The following NDUFAF6 variants were observed in gnomAD, a reference collection of about 807,000 sequenced individuals.
NDUFAF6 encodes NADH:ubiquinone oxidoreductase complex assembly factor 6, also known as NADH dehydrogenase (ubiquinone) complex I, assembly factor 6.
A neutral mutation model predicts 40.8 loss-of-function variants in NDUFAF6; 45 were observed. That is an observed-to-expected ratio of 1.10 (90% confidence interval 0.87 to 1.42). NDUFAF6 has a LOEUF of 1.42. Among genes scored for constraint, NDUFAF6 ranks in the 40% most tolerant of loss-of-function variants. The pLI is 0.00. For synonymous variants in NDUFAF6, 185 were observed against 155.9 expected, an observed-to-expected ratio of 1.19 and a Z score of -1.39; for missense variants, 435 against 418.5, an observed-to-expected ratio of 1.04 and a Z score of -0.34.
At position 95,035,880 on chromosome 8, in the gene NDUFAF6, A is replaced by G. The variant is rs17722836; in HGVS notation, c.420+304A>G. On this transcript the variant is annotated intron_variant, in intron 3 of 8. Coordinates refer to ENST00000396124, the MANE Select transcript of NDUFAF6 (RefSeq NM_152416.4). ...ATTTAAATCCTACACATTTTGATAT[A>G]ATAGCAAGTAAAATGTTCTGTTCTC... Among the ~76,000 whole-genome samples the G allele has an allele frequency of 0.015, 2,358 of 152,334 alleles. 28 individuals carry two copies. The highest frequency in any genetic ancestry group is 0.021 in the Non-Finnish European group (1,437 of 68,026).
upstream of NDUFAF6, among the ~76,000 whole-genome samples, chr8:94,953,892 A>C (rs560824925): frequency 6.6e-6 from 1 of 152,106 alleles, no homozygotes; most frequent in African/African-American, 2.4e-5. Context: ...TTAAATGTCC[A>C]TGTTTCTCAT....
intron 2 of NDUFAF6, among the ~76,000 whole-genome samples, chr8:94,998,020 A>C (rs2131635078): frequency 6.6e-6 from 1 of 152,292 alleles, no homozygotes; most frequent in South Asian, 2.1e-4. Context: ...GCTGCTCTTG[A>C]GTTAGAGGGA....
intron 1 of NDUFAF6, among the ~76,000 whole-genome samples, chr8:94,906,271 T>C (rs919856966): frequency 3.9e-5 from 6 of 152,176 alleles, no homozygotes; most frequent in Non-Finnish European, 8.8e-5. Context: ...GCTGAACTAA[T>C]CTATTCACCA....
At chr8:94,934,149 G>GAA (rs141439112) in intron 1 of NDUFAF6, among the ~76,000 whole-genome samples, 1 of 148,354 alleles carries the variant, frequency 6.7e-6, no homozygotes, top group African/African-American at 2.5e-5. Flanking sequence ...TACAGGCACA[G>GAA]AAAAAAAAAA....
chr8:95,088,628 C>T (rs1307422046), intron 2 of NDUFAF6, among the ~76,000 whole-genome samples: 2 of 151,920 alleles, frequency 1.3e-5, no homozygotes, highest in African/African-American at 4.8e-5. Context: ...ATAGTGATCT[C>T]AGGCTTTGGC....
downstream of NDUFAF6, among the ~76,000 whole-genome samples, chr8:95,061,594 A>G (rs956302152): frequency 1.2e-4 from 19 of 152,186 alleles, no homozygotes; most frequent in African/African-American, 4.6e-4. Flanking sequence ...TTGGAAAACT[A>G]CAAAGTTATT....
intron 2 of NDUFAF6, among the ~76,000 whole-genome samples, chr8:94,998,900 T>G (rs966593623): frequency 1.3e-5 from 2 of 151,906 alleles, no homozygotes; most frequent in South Asian, 2.1e-4. Flanking sequence ...ATTGAAGGTT[T>G]GTTTGGGTTT....
At chr8:95,104,338 A>G (rs1488205800), downstream of NDUFAF6, among the ~76,000 whole-genome samples, 1 of 152,194 alleles carries the variant, frequency 6.6e-6, no homozygotes, top group Non-Finnish European at 1.5e-5. Flanking sequence ...CCAGTTTCAA[A>G]TAGAGCATGG....
intron 1 of NDUFAF6, chr8:94,940,254 T>C (rs746318392): frequency 1.9e-6 from 3 of 1,559,752 alleles, no homozygotes; most frequent in Non-Finnish European, 2.6e-6. Context: ...TCCACATGTG[T>C]TGTTGAAGAG....
At chr8:95,001,297 C>T (rs1468248955) in intron 2 of NDUFAF6, among the ~76,000 whole-genome samples, 1 of 151,906 alleles carries the variant, frequency 6.6e-6, no homozygotes, top group East Asian at 1.9e-4. Context: ...TTATTTTATT[C>T]GAATAGAAGG....
intron 1 of NDUFAF6, chr8:94,896,637 C>G (rs1294302421): frequency 1.3e-5 from 2 of 151,970 alleles, no homozygotes; most frequent in Non-Finnish European, 2.9e-5. Flanking sequence ...CTGAGCGAGC[C>G]GGACGGCGAG....
chr8:95,093,640 G>A (rs544430794), intron 2 of NDUFAF6, among the ~76,000 whole-genome samples: 32 of 152,106 alleles, frequency 2.1e-4, no homozygotes, highest in Non-Finnish European at 4.3e-4. Context: ...AGTAACAAAG[G>A]CCAAAGGCAG....
intron 2 of NDUFAF6, among the ~76,000 whole-genome samples, chr8:95,091,572 G>T (rs987760762): frequency 3.3e-5 from 5 of 151,830 alleles, no homozygotes; most frequent in Non-Finnish European, 7.4e-5. Context: ...AAAAAACCTT[G>T]TCAGTCTTTT....
chr8:94,931,119 T>G (rs949680340), intron 1 of NDUFAF6, among the ~76,000 whole-genome samples: 2 of 152,224 alleles, frequency 1.3e-5, no homozygotes, highest in African/African-American at 2.4e-5. Flanking sequence ...CACCATAATC[T>G]TAAAAGGAAA....
chr8:95,096,154 G>C (rs934526286), upstream of NDUFAF6, among the ~76,000 whole-genome samples: 2 of 152,272 alleles, frequency 1.3e-5, no homozygotes, highest in East Asian at 3.9e-4. Flanking sequence ...ACAAGGAGTC[G>C]AATCAGGATG....
At chr8:94,913,015 TG>T (rs1265299747) in intron 1 of NDUFAF6, among the ~76,000 whole-genome samples, 2 of 151,986 alleles carry the variant, frequency 1.3e-5, no homozygotes, top group Non-Finnish European at 2.9e-5. Flanking sequence ...AGTGAAAGAG[TG>T]GAACAAATAT....
At chr8:95,117,163 T>C (rs191189606), downstream of NDUFAF6, among the ~76,000 whole-genome samples, 4 of 152,310 alleles carry the variant, frequency 2.6e-5, no homozygotes, top group African/African-American at 4.8e-5. Context: ...CCCATCCAGA[T>C]TATGCTTGCC....
intron 1 of NDUFAF6, chr8:94,939,850 TGTAAC>T: frequency 5.0e-6 from 8 of 1,605,166 alleles, no homozygotes; most frequent in Non-Finnish European, 6.8e-6. Context: ...GTTAAATACT[TGTAAC>T]GTACCTGGGA....
chr8:94,904,428 G>A lies in NDUFAF6; in HGVS notation c.-936+8501G>A, dbSNP rs1172773171. Among the ~76,000 whole-genome samples, 9 of 139,134 alleles carry A rather than the reference G, an allele frequency of 6.5e-5. 1 individual carries two copies. The highest frequency in any genetic ancestry group is 4.7e-4 in the South Asian group (2 of 4,260). The allele number at this position is 139,134 out of a possible 152,430, so 91.3% of individuals were successfully genotyped here. A position where few individuals can be genotyped will look rare whatever the true frequency, so the allele number is the denominator to read the frequency against. The stretch of plus-strand genomic sequence containing the variant: ...CCTGACCTCGTGATCTGCCCGCCTC[G>A]GCCTCCCAAAGTGCTGGGATTAGAG... On this transcript the variant is annotated intron_variant, in intron 1 of 14. Transcript: ENST00000396113.
Sources: allele counts gnomAD v4.1 joint callset (sites outside exome capture counted in the v4.1 genomes callset), GRCh38; gene constraint gnomAD v4.1.1; transcripts MANE v1.5; gene names NCBI Gene and HGNC (gene_info 2026-07-23, HGNC 2026-07-21).